TFEC: variants seen among roughly 807,000 people sequenced by gnomAD.
TFEC encodes transcription factor EC.
TFEC carries 31 observed loss-of-function variants against 41.6 expected under a neutral mutation model. The observed-to-expected ratio is 0.74, with a 90% confidence interval of 0.56 to 1.01. The LOEUF (loss-of-function observed/expected upper bound fraction) is 1.01, where lower values mean the gene tolerates loss of function less well. Among genes scored for constraint, TFEC ranks in the 50% least tolerant of loss-of-function variants. The pLI is 0.00. For missense variants in TFEC, 402 were observed against 404.1 expected (o/e 0.99, Z 0.04); for synonymous variants, 143 against 140.6 (o/e 1.02, Z -0.12).
intron 1 of TFEC, among the ~76,000 whole-genome samples, chr7:116,022,411 G>C (rs1390631137): frequency 6.6e-6 from 1 of 152,190 alleles, no homozygotes; most frequent in Admixed American, 6.5e-5. Flanking sequence ...TAAGATTGCA[G>C]ATTTTGGAAT....
At chr7:116,042,660 A>T (rs1345425390) in intron 3 of TFEC, among the ~76,000 whole-genome samples, 1 of 152,180 alleles carries the variant, frequency 6.6e-6, no homozygotes, top group African/African-American at 2.4e-5. Context: ...ACATTTTTTA[A>T]AAAATCTTCC....
chr7:116,026,123 G>A (rs1795574812), intron 1 of TFEC, among the ~76,000 whole-genome samples: 1 of 152,144 alleles, frequency 6.6e-6, no homozygotes, highest in Non-Finnish European at 1.5e-5. Flanking sequence ...AAGCATAGCT[G>A]TTCATGGTCT....
At chr7:116,110,721 G>A (rs918319064) in exon 3 of TFEC, 4 of 1,517,090 alleles carry the variant, frequency 2.6e-6, no homozygotes, top group Middle Eastern at 3.4e-4. Context: ...GGTAAAGGAT[G>A]GTAATTGACT....
intron 2 of TFEC, among the ~76,000 whole-genome samples, chr7:115,976,880 T>C (rs1417125960): frequency 6.6e-6 from 1 of 152,200 alleles, no homozygotes; most frequent in African/African-American, 2.4e-5. Context: ...ACACGGTCTG[T>C]TTAATTTTTC....
chr7:116,000,911 A>C (rs1284141143), intron 1 of TFEC, among the ~76,000 whole-genome samples: 1 of 152,022 alleles, frequency 6.6e-6, no homozygotes, highest in Non-Finnish European at 1.5e-5. Flanking sequence ...ATCCCTATCA[A>C]AATACTAATG....
At chr7:116,147,843 CTA>C (rs1798675362) in intron 1 of TFEC, among the ~76,000 whole-genome samples, 1 of 152,084 alleles carries the variant, frequency 6.6e-6, no homozygotes, top group Middle Eastern at 3.2e-3. Flanking sequence ...TATGTACTTA[CTA>C]TGTGTTGGAT....
intron 3 of TFEC, among the ~76,000 whole-genome samples, chr7:116,063,595 G>A (rs1796621832): frequency 6.6e-6 from 1 of 152,100 alleles, no homozygotes. Context: ...CTCCAGCCTG[G>A]GCAACAGAGA....
At chr7:116,034,199 A>G (rs1795855001), upstream of TFEC, among the ~76,000 whole-genome samples, 1 of 152,062 alleles carries the variant, frequency 6.6e-6, no homozygotes, top group Admixed American at 6.6e-5. Context: ...GAAATGTCCT[A>G]AGTCTCAGCC....
intron 1 of TFEC, among the ~76,000 whole-genome samples, chr7:116,131,799 AG>A (rs1414493538): frequency 2.0e-5 from 3 of 152,180 alleles, no homozygotes; most frequent in Non-Finnish European, 4.4e-5. Flanking sequence ...CTGCCCTAAG[AG>A]GTATCCATTG....
At chr7:116,155,487 TTTTG>T (rs1367949046) in intron 1 of TFEC, among the ~76,000 whole-genome samples, 1 of 152,192 alleles carries the variant, frequency 6.6e-6, no homozygotes, top group Non-Finnish European at 1.5e-5. Context: ...CTCAAAGGTT[TTTTG>T]TTTTTGTTTT....
At chr7:115,949,791 C>A (rs1183631057) in intron 6 of TFEC, among the ~76,000 whole-genome samples, 2 of 152,154 alleles carry the variant, frequency 1.3e-5, no homozygotes, top group African/African-American at 4.8e-5. Context: ...TAGGCATGGG[C>A]AAGGACTTCA....
chr7:116,025,253 A>G (rs957789054), intron 1 of TFEC, among the ~76,000 whole-genome samples: 27 of 152,284 alleles, frequency 1.8e-4, no homozygotes, highest in Non-Finnish European at 4.0e-4. Flanking sequence ...AGGCTGTTTG[A>G]ATAGGAGAGA....
rs963182954 is a variant in TFEC, at chr7:116,002,554, G to T, written c.-72-18041C>A. ...GAAGAGTAGTGGGGGTACTGGAGGTGGTTAATGGATACCAACATATCATTA... is the reference window on the plus strand; with the variant it reads ...GAAGAGTAGTGGGGGTACTGGAGGTTGTTAATGGATACCAACATATCATTA... On this transcript the variant is annotated intron_variant, in intron 1 of 7. Coordinates refer to ENST00000265440, the MANE Select transcript of TFEC (RefSeq NM_012252.4). 2.0e-5 allele frequency among the ~76,000 whole-genome samples: 3 copies of T among 152,062 alleles called. No individual in the cohort carries two copies. The South Asian group carries it at 6.2e-4, about 31-fold the overall frequency.
chr7:116,067,359 G>T (rs1796717888), intron 3 of TFEC, among the ~76,000 whole-genome samples: 1 of 152,020 alleles, frequency 6.6e-6, no homozygotes, highest in Non-Finnish European at 1.5e-5. Context: ...TCTGATTTCA[G>T]TGAAAACATA....
intron 3 of TFEC, among the ~76,000 whole-genome samples, chr7:116,060,914 A>G (rs1398342785): frequency 1.3e-5 from 2 of 152,136 alleles, no homozygotes; most frequent in Admixed American, 6.6e-5. Flanking sequence ...GTGACAAAAT[A>G]TGTGAAAAAA....
chr7:116,019,543 C>T (rs946029538), intron 1 of TFEC, among the ~76,000 whole-genome samples: 2 of 152,114 alleles, frequency 1.3e-5, no homozygotes, highest in African/African-American at 4.8e-5. Context: ...ATGTATTGCA[C>T]AGATAATTTG....
intron 3 of TFEC, among the ~76,000 whole-genome samples, chr7:116,102,556 T>C (rs1379355319): frequency 1.3e-5 from 2 of 152,002 alleles, no homozygotes; most frequent in African/African-American, 2.4e-5. Context: ...GAGGATAGAT[T>C]TGAGAACTAT....
At chr7:115,995,344 T>A (rs1182666400) in intron 1 of TFEC, among the ~76,000 whole-genome samples, 1 of 151,226 alleles carries the variant, frequency 6.6e-6, no homozygotes, top group Non-Finnish European at 1.5e-5. Context: ...TAAAGTATAT[T>A]AAAAAAAACA....
intron 3 of TFEC, among the ~76,000 whole-genome samples, chr7:115,957,333 G>A (rs1792289327): frequency 6.6e-6 from 1 of 151,688 alleles, no homozygotes; most frequent in South Asian, 2.1e-4. Flanking sequence ...TTTTCTCATT[G>A]TACACTTAAT....
Sources: allele counts gnomAD v4.1 joint callset (sites outside exome capture counted in the v4.1 genomes callset), GRCh38; gene constraint gnomAD v4.1.1; transcripts MANE v1.5; gene names NCBI Gene and HGNC (gene_info 2026-07-23, HGNC 2026-07-21).